RIMS3: variants seen among roughly 807,000 people sequenced by gnomAD.
RIMS3 encodes regulating synaptic membrane exocytosis protein 3.
A neutral mutation model predicts 29.2 loss-of-function variants in RIMS3; 15 were observed. The ratio of observed to expected loss-of-function variants is 0.51; its 90% CI spans 0.34 to 0.79. The LOEUF is 0.79. Ranked by LOEUF, RIMS3 falls within the 30% of genes least tolerant of loss-of-function variation. The pLI is 0.01. For synonymous variants in RIMS3, 161 were observed against 170.1 expected (o/e 0.95, Z 0.41); for missense variants, 342 against 421.4 (o/e 0.81, Z 1.65).
intron 1 of RIMS3, among the ~76,000 whole-genome samples, chr1:40,663,078 T>A (rs1642374269): frequency 6.6e-6 from 1 of 152,142 alleles, no homozygotes; most frequent in South Asian, 2.1e-4. Context: ...GTCAGTGATA[T>A]ACCAGTGTAG....
rs962429729 is a variant in RIMS3, at chr1:40,665,446, G to C, written c.-259C>G. 2.0e-5 allele frequency: 3 copies of C among 152,262 alleles called. No individual in the cohort carries two copies. Among genetic ancestry groups the C allele is most frequent in the Non-Finnish European group, 2.9e-5 (2 of 68,106 alleles). 9.4% of individuals were successfully genotyped at this position (152,262 alleles called of 1,614,324 possible). The stretch of plus-strand genomic sequence containing the variant: ...GGAGGGGGCCTCCACAGGCCGAGGC[G>C]GCTCCGCAAGGCGGGGCAGGTGCTG... On this transcript the variant is annotated 5_prime_UTR_variant, in exon 1 of 8. Coordinates refer to ENST00000372684, the MANE Select transcript of RIMS3 (RefSeq NM_014747.3).
chr1:40,652,831 G>A (rs948242554), intron 1 of RIMS3, among the ~76,000 whole-genome samples: 2 of 152,238 alleles, frequency 1.3e-5, no homozygotes, highest in Non-Finnish European at 1.5e-5. Context: ...ACAGCAGGAA[G>A]AGCAGCCAGG....
At chr1:40,688,538 A>G in the RIMS3 span, among the ~76,000 whole-genome samples, 1 of 152,254 alleles carries the variant, frequency 6.6e-6, no homozygotes, top group Non-Finnish European at 1.5e-5. Flanking sequence ...GATTAGTTAC[A>G]ATGAAAAATA....
At chr1:40,645,681 C>A (rs541288327) in intron 2 of RIMS3, among the ~76,000 whole-genome samples, 1 of 152,262 alleles carries the variant, frequency 6.6e-6, no homozygotes, top group African/African-American at 2.4e-5. Flanking sequence ...GCTTCCCTAG[C>A]ACAGCCTCTG....
intron 2 of RIMS3, among the ~76,000 whole-genome samples, chr1:40,644,752 C>T (rs1301645737): frequency 2.0e-5 from 3 of 152,204 alleles, no homozygotes; most frequent in Admixed American, 2.0e-4. Flanking sequence ...GCATGCTCTG[C>T]ACCCAGCACC....
In RIMS3 at chr1:40,628,837, G is replaced by C; in HGVS notation, c.687C>G (p.Asp229Glu). The C allele has an allele frequency of 1.2e-6, 2 of 1,614,148 alleles. No homozygotes were observed. Among genetic ancestry groups the C allele is most frequent in the Non-Finnish European group, 1.7e-6 (2 of 1,180,028 alleles). Reference protein sequence around the residue: ...DPLYQQALLFDEGPQGKVLQV... With the variant: ...DPLYQQALLFEEGPQGKVLQV... The stretch of plus-strand genomic sequence containing the variant: ...GCAGCACCTTGCCCTGGGGTCCCTC[G>C]TCAAAGAGCAGAGCCTGCTGGTACA... Residue 229 changes from aspartate (D) to glutamate (E), a missense_variant, in exon 7 of 8, where the codon GAC becomes GAG. Asp to Glu is a conservative substitution (Grantham distance 45). Coordinates refer to ENST00000372684, the MANE Select transcript of RIMS3 (RefSeq NM_014747.3).
At chr1:40,672,991 C>T in the RIMS3 span, among the ~76,000 whole-genome samples, 5 of 152,018 alleles carry the variant, frequency 3.3e-5, no homozygotes, top group Non-Finnish European at 5.9e-5. Flanking sequence ...ACCAATCTGA[C>T]CAACATGGTG....
At chr1:40,639,772 C>T (rs997854915) in intron 3 of RIMS3, among the ~76,000 whole-genome samples, 5 of 152,076 alleles carry the variant, frequency 3.3e-5, no homozygotes, top group Admixed American at 2.0e-4. Flanking sequence ...ATAAGTACAG[C>T]GTACTAGATG....
At chr1:40,676,959 G>C in the RIMS3 span, among the ~76,000 whole-genome samples, 1 of 151,500 alleles carries the variant, frequency 6.6e-6, no homozygotes, top group African/African-American at 2.4e-5. Flanking sequence ...TTCAAATAAT[G>C]TAAAATAAAT....
intron 2 of RIMS3, among the ~76,000 whole-genome samples, chr1:40,646,377 G>A (rs1434811881): frequency 6.6e-6 from 1 of 152,164 alleles, no homozygotes; most frequent in Non-Finnish European, 1.5e-5. Flanking sequence ...GAGTGGTTAG[G>A]AGCAGGCAGG....
At chr1:40,690,547 A>C in the RIMS3 span, 1 of 152,234 alleles carries the variant, frequency 6.6e-6, no homozygotes, top group Non-Finnish European at 1.5e-5. Context: ...TTTACAGATG[A>C]AGGAATTGAG....
the RIMS3 span, chr1:40,687,615 A>AT: frequency 6.6e-6 from 1 of 151,712 alleles, no homozygotes; most frequent in Non-Finnish European, 1.5e-5. Flanking sequence ...AAAAAAAAAA[A>AT]AAAAAAAAAA....
intron 5 of RIMS3, among the ~76,000 whole-genome samples, chr1:40,631,704 G>A (rs1289504244): frequency 6.6e-6 from 1 of 151,782 alleles, no homozygotes; most frequent in Non-Finnish European, 1.5e-5. Flanking sequence ...TGGCAGCCAG[G>A]TACAGTGGCT....
rs750814217 is a variant in RIMS3 at position 40,641,757 on chromosome 1, C to T, written c.169G>A (p.Val57Met). The T allele has an allele frequency of 1.5e-5, 24 of 1,613,802 alleles. No individual in the cohort carries two copies. The highest frequency in any genetic ancestry group is 1.0e-4 in the Admixed American group (6 of 60,000). The stretch of plus-strand genomic sequence containing the variant: ...CTCTTGCTCCACTGAGTCAGGCCCA[C>T]GATGGCCACCATCTTGGCACCCAGG... ...SSLGAKMVAIVGLTQWSKSTL... is the reference protein window; with the variant it reads ...SSLGAKMVAIMGLTQWSKSTL... The change falls in exon 3 of 8, where the codon GTG becomes ATG. Residue 57 changes from valine (V) to methionine (M), a missense_variant. By Grantham distance (21) the Val-to-Met change is conservative (BLOSUM62 1). Transcript: ENST00000372684.
chr1:40,636,152 T>TG lies in RIMS3; in HGVS notation c.218-96dup, dbSNP rs1169570716. The TG allele has an allele frequency of 1.6e-5, 24 of 1,489,826 alleles. No individual in the cohort carries two copies. The South Asian group carries it at 2.5e-4, about 15-fold the overall frequency. 92.3% of individuals were successfully genotyped at this position (1,489,826 alleles called of 1,614,324 possible). On this transcript the variant is annotated intron_variant, in intron 3 of 7. Transcript: ENST00000372684. The surrounding 1 kb of genome is among the most constrained non-coding windows in gnomAD (Gnocchi z 4.2). ...TCCTGCCAAAGTCACTCTCTTGGCA[T>TG]GGGGGGTTGATGGGGAGGATGAGCA...
At chr1:40,688,855 G>A in the RIMS3 span, among the ~76,000 whole-genome samples, 2 of 152,162 alleles carry the variant, frequency 1.3e-5, no homozygotes, top group East Asian at 1.9e-4. Flanking sequence ...TCTCCAAACA[G>A]GGTACAGAAT....
the RIMS3 span, among the ~76,000 whole-genome samples, chr1:40,682,816 C>T: frequency 7.6e-6 from 1 of 131,918 alleles, no homozygotes; most frequent in Non-Finnish European, 1.6e-5. Flanking sequence ...TCTCGGCTCA[C>T]TGCAACCTCT....
rs541276568 is a variant in RIMS3, at chr1:40,631,204, G to C, written c.473-1832C>G. On this transcript the variant is annotated intron_variant, in intron 5 of 7. Coordinates refer to ENST00000372684, the MANE Select transcript of RIMS3 (RefSeq NM_014747.3). ...GGAGGAGCTATCCTGGGGAGGAGCT[G>C]CTGGAAGCCAACACAGCCAACACCT... Among the ~76,000 whole-genome samples the C allele has an allele frequency of 4.6e-5, 7 of 152,266 alleles. No individual in the cohort carries two copies. The South Asian group carries it at 1.5e-3, about 32-fold the overall frequency.
At chr1:40,689,502 G>A in the RIMS3 span, among the ~76,000 whole-genome samples, 10 of 151,978 alleles carry the variant, frequency 6.6e-5, no homozygotes, top group African/African-American at 1.9e-4. Context: ...GGCTGGTCTT[G>A]AACTCCTGAC....
Sources: allele counts gnomAD v4.1 joint callset (sites outside exome capture counted in the v4.1 genomes callset), GRCh38; gene constraint gnomAD v4.1.1; non-coding constraint Gnocchi (gnomAD v3.1); transcripts MANE v1.5; gene names NCBI Gene and HGNC (gene_info 2026-07-23, HGNC 2026-07-21).